The following ZNF347 variants were observed in gnomAD, a reference collection of about 807,000 sequenced individuals.
ZNF347 encodes the protein zinc finger protein 347.
In ZNF347, 19 loss-of-function variants were observed where a neutral mutation model predicts 12.9. The observed-to-expected ratio is 1.47, with a 90% CI of 1.03 to 2.16. The LOEUF is 2.16. Ranked by LOEUF, ZNF347 falls within the 30% of genes most tolerant of loss-of-function variation. The pLI, the probability that ZNF347 is intolerant of heterozygous loss-of-function variation, is 0.00. For missense variants in ZNF347, 1,005 were observed against 990.6 expected (o/e 1.01, Z -0.19); for synonymous variants, 328 against 340.6 (o/e 0.96, Z 0.41).
chr19:53,149,698 TG>T (rs999285409), intron 2 of ZNF347, among the ~76,000 whole-genome samples: 2 of 152,100 alleles, frequency 1.3e-5, no homozygotes, highest in African/African-American at 2.4e-5. Context: ...CCTGAGGGGA[TG>T]GGGGCTGAAG....
chr19:53,142,859 GACAA>G (rs2146801356), intron 4 of ZNF347, among the ~76,000 whole-genome samples: 1 of 152,202 alleles, frequency 6.6e-6, no homozygotes, highest in South Asian at 2.1e-4. Context: ...GTCTTCCCCA[GACAA>G]ACAAAGCTAA....
At chr19:53,145,594 T>C (rs551797431) in intron 4 of ZNF347, among the ~76,000 whole-genome samples, 1 of 151,790 alleles carries the variant, frequency 6.6e-6, no homozygotes, top group South Asian at 2.1e-4. Flanking sequence ...AGTTTGGACA[T>C]GTTGCTCAGG....
intron 4 of ZNF347, among the ~76,000 whole-genome samples, chr19:53,143,872 C>T (rs567473370): frequency 5.3e-5 from 8 of 152,294 alleles, no homozygotes; most frequent in Non-Finnish European, 8.8e-5. Context: ...TATTTCTCCA[C>T]ATCCTCTCCA....
chr19:53,144,767 C>T (rs945754951), intron 4 of ZNF347, among the ~76,000 whole-genome samples: 2 of 152,094 alleles, frequency 1.3e-5, no homozygotes, highest in South Asian at 4.1e-4. Context: ...TCCCAAGTAG[C>T]TAAAATTACA....
At chr19:53,148,473 T>G (rs924811570) in intron 4 of ZNF347, among the ~76,000 whole-genome samples, 9 of 152,160 alleles carry the variant, frequency 5.9e-5, no homozygotes, top group African/African-American at 2.2e-4. Context: ...TGATAAAGAC[T>G]TTGCCTTTGT....
rs1273241118 is a variant in ZNF347 at position 53,138,125 on chromosome 19, GTT to G, written c.*2181_*2182del. On this transcript the variant is annotated 3_prime_UTR_variant, in exon 5 of 5. Transcript: ENST00000334197. ...CCCAGCCAATATTTTTCATACAATTGTTTTTTTTGAGACAGGGTCTCGCTCTG... is the reference window on the plus strand; with the variant it reads ...CCCAGCCAATATTTTTCATACAATTGTTTTTTGAGACAGGGTCTCGCTCTG... The G allele has an allele frequency of 6.7e-6, 1 of 149,562 alleles. No individual in the cohort carries two copies. Among genetic ancestry groups the G allele is most frequent in the East Asian group, 2.0e-4 (1 of 5,028 alleles). The allele number at this position is 149,562 out of a possible 1,614,324, so 9.3% of individuals were successfully genotyped here. A position where few individuals can be genotyped will look rare whatever the true frequency, so the allele number is the denominator to read the frequency against.
At chr19:53,147,562 A>AAATAAT (rs59684814) in intron 4 of ZNF347, among the ~76,000 whole-genome samples, 14 of 151,118 alleles carry the variant, frequency 9.3e-5, no homozygotes, top group African/African-American at 2.2e-4. Flanking sequence ...AGACTATCTC[A>AAATAAT]AATAATAATA....
In ZNF347 at chr19:53,147,528, A is replaced by G. The variant is rs1221100009; in HGVS notation, c.271+1153T>C. 2.6e-5 allele frequency among the ~76,000 whole-genome samples: 4 copies of G among 152,158 alleles called. 1 individual carries two copies. Among genetic ancestry groups the G allele is most frequent in the African/African-American group, 9.6e-5 (4 of 41,518 alleles). On this transcript the variant is annotated intron_variant, in intron 4 of 4. Transcript: ENST00000334197. ...AGCTATGATTGTGCCACTGAACTCC[A>G]GTCTGGGTGAGATAGAGAGAGAGAG...
chr19:53,148,904 T>TA (rs2090480166), intron 3 of ZNF347, 95 bp from the exon 4 acceptor site: 2 of 1,471,216 alleles, frequency 1.4e-6, no homozygotes, highest in Admixed American at 4.6e-5. Flanking sequence ...CAGCTGTATC[T>TA]AAAAAAACAC....
In ZNF347 at chr19:53,153,755, T is replaced by A; in HGVS notation, c.-8A>T. 1.2e-6 allele frequency: 2 copies of A among 1,614,136 alleles called. No homozygotes were observed. The highest frequency in any genetic ancestry group is 1.7e-6 in the Non-Finnish European group (2 of 1,179,958). The stretch of plus-strand genomic sequence containing the variant: ...TACCTGGGTGAGAGCCATGCCTGAC[T>A]TGTCTTTCTTTCCTCTTCCTCTTCT... On this transcript the variant is annotated 5_prime_UTR_variant, in exon 2 of 5. In the 5' UTR this introduces an upstream ATG that the reference lacks. Transcript: ENST00000334197.
Position 53,135,321 on chromosome 19 carries a change from TATATATATATATATATATAGAG to T in ZNF347, c.*4965_*4986del, listed in dbSNP as rs1314702592. 78 of 62,086 alleles carry T rather than the reference TATATATATATATATATATAGAG, an allele frequency of 1.3e-3. No individual in the cohort carries two copies. Among genetic ancestry groups the T allele is most frequent in the Middle Eastern group, 0.02 (2 of 100 alleles). The allele number at this position is 62,086 out of a possible 1,614,324, so 3.8% of individuals were successfully genotyped here. On this transcript the variant is annotated 3_prime_UTR_variant, in exon 5 of 5. Transcript: ENST00000334197. ...CTAAATATATATATATATATATATA[TATATATATATATATATATAGAG>T]AGAGAGAGAGAGAGAGAGAGAGAGA...
At chr19:53,143,751 G>T (rs1468532790) in intron 4 of ZNF347, among the ~76,000 whole-genome samples, 15 of 152,060 alleles carry the variant, frequency 9.9e-5, no homozygotes, top group Non-Finnish European at 1.9e-4. Flanking sequence ...CCAGTAATGG[G>T]ATTGCTGGGT....
intron 4 of ZNF347, among the ~76,000 whole-genome samples, chr19:53,147,781 T>C (rs1181209048): frequency 6.6e-6 from 1 of 151,984 alleles, no homozygotes; most frequent in African/African-American, 2.4e-5. Context: ...CTTGACAAAA[T>C]AGAATTCAAC....
Position 53,141,933 on chromosome 19 carries a change from T to C in ZNF347, c.895A>G (p.Arg299Gly), listed in dbSNP as rs148409173. ...TGGGTAGTTAGGTTTGAACGTGTTC[T>C]AAAGGCTTTGCCACACTCATAACAT... ...YKCYECGKAF[R>G]TRSNLTTHQV... is the part of the protein sequence containing the mutation. Residue 299 changes from arginine (R) to glycine (G), a missense_variant, in exon 5 of 5, where the codon AGA (arginine) becomes GGA (glycine). Coordinates refer to ENST00000334197, the MANE Select transcript of ZNF347 (RefSeq NM_032584.3). 1 of 1,613,708 alleles carries C rather than the reference T, an allele frequency of 6.2e-7. No individual in the cohort carries two copies. Among genetic ancestry groups the C allele is most frequent in the African/African-American group, 1.3e-5 (1 of 74,904 alleles).
In ZNF347 at chr19:53,140,746, T is replaced by C; in HGVS notation, c.2082A>G (p.Ser694=). Residue 694 remains serine (S), a synonymous_variant, in exon 5 of 5, where the codon TCA becomes TCG. Coordinates refer to ENST00000334197, the MANE Select transcript of ZNF347 (RefSeq NM_032584.3). ...NECGKAFSQT[S]KLARHQRVHT... is the part of the protein sequence containing the mutation. Reference sequence around the variant, plus strand: ...GAACTCTCTGATGCCTTGCAAGCTTTGATGTTTGACTAAAGGCTTTGCCAC... The same window carrying C: ...GAACTCTCTGATGCCTTGCAAGCTTCGATGTTTGACTAAAGGCTTTGCCAC... The C allele has an allele frequency of 6.2e-7, 1 of 1,612,792 alleles. No individual in the cohort carries two copies. The highest frequency in any genetic ancestry group is 2.2e-5 in the East Asian group (1 of 44,880).
At position 53,135,288 on chromosome 19, in the gene ZNF347, C is replaced by T. The variant is rs903786306; in HGVS notation, c.*5020G>A. On this transcript the variant is annotated 3_prime_UTR_variant, in exon 5 of 5. Transcript: ENST00000334197. ...AGTGAAATGTCTCTTCATAGTTCTA[C>T]CCATTTTCTAAATATATATATATAT... The T allele has an allele frequency of 2.2e-5, 3 of 135,124 alleles. No homozygotes were observed. Among genetic ancestry groups the T allele is most frequent in the South Asian group, 2.3e-4 (1 of 4,274 alleles). The allele number at this position is 135,124 out of a possible 1,614,324, so 8.4% of individuals were successfully genotyped here. A position where few individuals can be genotyped will look rare whatever the true frequency, so the allele number is the denominator to read the frequency against.
chr19:53,156,151 C>T (rs2090534708), intron 1 of ZNF347, among the ~76,000 whole-genome samples: 1 of 151,778 alleles, frequency 6.6e-6, no homozygotes, highest in South Asian at 2.1e-4. Flanking sequence ...GTAGTCCCAG[C>T]ACTTTGGGAG....
chr19:53,140,911 G>A lies in ZNF347; in HGVS notation c.1917C>T (p.Asn639=). 6.2e-7 allele frequency: 1 copy of A among 1,613,172 alleles called. No individual in the cohort carries two copies. The highest frequency in any genetic ancestry group is 1.1e-5 in the South Asian group (1 of 91,028). Residue 639 remains asparagine, a synonymous_variant, in exon 5 of 5, where the codon AAC becomes AAT. Coordinates refer to ENST00000334197, the MANE Select transcript of ZNF347 (RefSeq NM_032584.3). The stretch of plus-strand genomic sequence containing the variant: ...TATGGATGACCTGATGGGTAGTTAG[G>A]TTTGAATGTTCACTAAAGGCTTTGC... ...EYGKAFSEHS[N]LTTHQVIHTG... is the part of the protein sequence containing the mutation.
intron 1 of ZNF347, among the ~76,000 whole-genome samples, chr19:53,155,762 G>C (rs1182875629): frequency 1.3e-5 from 2 of 152,124 alleles, no homozygotes; most frequent in East Asian, 3.9e-4. Flanking sequence ...CACGCATATT[G>C]TCCTGAGACT....
Sources: gnomAD v4.1 joint callset for allele counts (sites outside exome capture counted in the v4.1 genomes callset) on GRCh38, gnomAD v4.1.1 for gene constraint, MANE v1.5 for transcripts, NCBI Gene and HGNC (gene_info 2026-07-23, HGNC 2026-07-21) for gene names.